BAZ2B: variants seen among roughly 807,000 people sequenced by gnomAD.
BAZ2B encodes bromodomain adjacent to zinc finger domain 2B, also known as bromodomain adjacent to zinc finger domain protein 2B.
Under a neutral mutation model 246.0 loss-of-function variants are expected in BAZ2B, and 91 were observed. The ratio of observed to expected loss-of-function variants is 0.37; its 90% CI spans 0.31 to 0.44. The LOEUF (loss-of-function observed/expected upper bound fraction) is 0.44. Ranked by LOEUF, BAZ2B falls within the 20% of genes least tolerant of loss-of-function variation. BAZ2B has a pLI of 1.00. For synonymous variants in BAZ2B, 855 were observed against 860.0 expected (o/e 0.99, Z 0.10); for missense variants, 2,332 against 2,533.7 (o/e 0.92, Z 1.71).
At chr2:159,423,914 G>A (rs562196042) in intron 13 of BAZ2B, among the ~76,000 whole-genome samples, 1 of 152,062 alleles carries the variant, frequency 6.6e-6, no homozygotes, top group Non-Finnish European at 1.5e-5. Context: ...ACTACCAATC[G>A]GGTACTGTGC....
At chr2:159,608,368 C>T (rs1693998277) in intron 1 of BAZ2B, among the ~76,000 whole-genome samples, 1 of 152,172 alleles carries the variant, frequency 6.6e-6, no homozygotes, top group South Asian at 2.1e-4. Context: ...GAGTGAGACC[C>T]TGTCTCCAAA....
chr2:159,586,270 AGTTAT>A (rs568301579), intron 1 of BAZ2B, among the ~76,000 whole-genome samples: 2 of 152,312 alleles, frequency 1.3e-5, no homozygotes, highest in South Asian at 4.1e-4. Flanking sequence ...CAAGACTAAA[AGTTAT>A]TACTTAACCC....
In BAZ2B at chr2:159,471,356, C is replaced by T. The variant is rs1488485360; in HGVS notation, c.145+7219G>A. Among the ~76,000 whole-genome samples the T allele has an allele frequency of 2.6e-5, 4 of 152,126 alleles. No individual in the cohort carries two copies. In the East Asian group the frequency reaches 7.7e-4, roughly 29 times the overall value. On this transcript the variant is annotated intron_variant, in intron 3 of 36. Transcript: ENST00000392783. ...GTGGCTCACATCTGTAATCCCAACA[C>T]TTCGGGAGGCTGAAGCAAGAGGATC...
At chr2:159,391,023 C>A (rs1228463322) in intron 20 of BAZ2B, among the ~76,000 whole-genome samples, 3 of 152,106 alleles carry the variant, frequency 2.0e-5, no homozygotes, top group Non-Finnish European at 2.9e-5. Flanking sequence ...TACAAAAGGG[C>A]AGCAGAGTCA....
chr2:159,327,526 T>C (rs2063893149), intron 34 of BAZ2B, among the ~76,000 whole-genome samples: 2 of 152,210 alleles, frequency 1.3e-5, no homozygotes, highest in Admixed American at 1.3e-4. Flanking sequence ...TTTATATTCA[T>C]TAAAATCTGA....
intron 2 of BAZ2B, among the ~76,000 whole-genome samples, chr2:159,551,581 A>G (rs924489789): frequency 9.2e-5 from 14 of 152,176 alleles, no homozygotes; most frequent in Admixed American, 2.0e-4. Context: ...ATGAAATTAC[A>G]TATAAACAAG....
chr2:159,527,945 G>C (rs1257138574), intron 2 of BAZ2B, among the ~76,000 whole-genome samples: 4 of 152,148 alleles, frequency 2.6e-5, no homozygotes, highest in Non-Finnish European at 4.4e-5. Flanking sequence ...AGGGATAACA[G>C]CACTCAGTAA....
chr2:159,453,265 A>G (rs1016883861), intron 4 of BAZ2B, among the ~76,000 whole-genome samples: 10 of 152,196 alleles, frequency 6.6e-5, no homozygotes, highest in African/African-American at 2.4e-4. Flanking sequence ...AAAATCAAAT[A>G]AGGCTGAGAA....
the BAZ2B span, among the ~76,000 whole-genome samples, chr2:159,701,476 T>C: frequency 6.6e-6 from 1 of 151,758 alleles, no homozygotes; most frequent in Non-Finnish European, 1.5e-5. Context: ...TACTCATCTG[T>C]ATGGATTGAT....
chr2:159,523,402 TA>T (rs911041215), intron 2 of BAZ2B, among the ~76,000 whole-genome samples: 13 of 145,188 alleles, frequency 9.0e-5, no homozygotes, highest in African/African-American at 2.8e-4. Context: ...ACCCTGTCTC[TA>T]AAAAAAAACA....
chr2:159,426,271 T>C (rs1352451620), intron 13 of BAZ2B, among the ~76,000 whole-genome samples: 21 of 152,176 alleles, frequency 1.4e-4, no homozygotes, highest in Admixed American at 1.4e-3. Flanking sequence ...ATCACTGATA[T>C]AAAACTAAAA....
At chr2:159,682,227 C>A in the BAZ2B span, among the ~76,000 whole-genome samples, 2 of 144,292 alleles carry the variant, frequency 1.4e-5, no homozygotes, top group Admixed American at 1.4e-4. Context: ...CAGTCTCCCT[C>A]TCTCACTCAG....
the BAZ2B span, among the ~76,000 whole-genome samples, chr2:159,702,637 T>G: frequency 6.7e-6 from 1 of 150,030 alleles, no homozygotes; most frequent in South Asian, 2.1e-4. Context: ...GTCATATCAT[T>G]ATGTTTATAA....
intron 1 of BAZ2B, among the ~76,000 whole-genome samples, chr2:159,576,976 A>G (rs1029476134): frequency 6.6e-6 from 1 of 151,198 alleles, no homozygotes; most frequent in Admixed American, 6.6e-5. Flanking sequence ...CTGTATTCTC[A>G]GCCCTTTGGG....
chr2:159,537,577 T>A (rs1578184578), intron 2 of BAZ2B, among the ~76,000 whole-genome samples: 1 of 152,378 alleles, frequency 6.6e-6, no homozygotes, highest in East Asian at 1.9e-4. Context: ...ATAACCTTCT[T>A]CTTCCCTCCT....
chr2:159,704,117 G>C, the BAZ2B span, among the ~76,000 whole-genome samples: 1 of 152,168 alleles, frequency 6.6e-6, no homozygotes, highest in Non-Finnish European at 1.5e-5. Flanking sequence ...CAAGAGCACT[G>C]AAGCTCCATG....
In BAZ2B at chr2:159,394,208, T is replaced by A. The variant is rs531140831; in HGVS notation, c.3075+1561A>T. Among the ~76,000 whole-genome samples the A allele has an allele frequency of 2.4e-3, 364 of 152,228 alleles. 1 individual carries two copies. Among genetic ancestry groups the A allele is most frequent in the African/African-American group, 8.4e-3 (348 of 41,538 alleles). ...TGAGGGATTTTCTAGGTCTTTTCCCTGAGCTACTAATTGCTCCCTCCATTT... is the reference window on the plus strand; with the variant it reads ...TGAGGGATTTTCTAGGTCTTTTCCCAGAGCTACTAATTGCTCCCTCCATTT... On this transcript the variant is annotated intron_variant, in intron 20 of 36. Transcript: ENST00000392783.
At chr2:159,467,386 C>T (rs2077200643) in intron 3 of BAZ2B, among the ~76,000 whole-genome samples, 1 of 152,150 alleles carries the variant, frequency 6.6e-6, no homozygotes, top group African/African-American at 2.4e-5. Context: ...ATTTATCTCT[C>T]CTCTTCTGGT....
At chr2:159,478,758 T>TA in intron 2 of BAZ2B, 37 bp from the exon 3 acceptor site, 1 of 1,392,926 alleles carries the variant, frequency 7.2e-7, no homozygotes, top group South Asian at 2.0e-5. Context: ...CAGTATCAGA[T>TA]AAAAAATTTT....
Sources: gnomAD v4.1 joint callset for allele counts (sites outside exome capture counted in the v4.1 genomes callset) on GRCh38, gnomAD v4.1.1 for gene constraint, MANE v1.5 for transcripts, NCBI Gene and HGNC (gene_info 2026-07-23, HGNC 2026-07-21) for gene names.